SLC34A3: variants seen among roughly 807,000 people sequenced by gnomAD.
SLC34A3 encodes sodium-dependent phosphate transport protein 2C.
A neutral mutation model predicts 43.9 loss-of-function variants in SLC34A3; 60 were observed. The observed-to-expected ratio is 1.37, with a 90% CI of 1.11 to 1.70. The LOEUF (loss-of-function observed/expected upper bound fraction) is 1.70. Among genes scored for constraint, SLC34A3 ranks in the 40% most tolerant of loss-of-function variants. SLC34A3 has a pLI of 0.00. For synonymous variants in SLC34A3, 451 were observed against 386.2 expected, an observed-to-expected ratio of 1.17 and a Z score of -1.97; for missense variants, 969 against 823.8, an observed-to-expected ratio of 1.18 and a Z score of -2.16.
At chr9:137,230,484 C>T (rs1234355653), upstream of SLC34A3, among the ~76,000 whole-genome samples, 6 of 152,304 alleles carry the variant, frequency 3.9e-5, no homozygotes, top group South Asian at 2.1e-4. Context: ...GCAGGGATGA[C>T]CCTGAGAAGG....
rs1564416863 is a variant in SLC34A3 at position 137,232,827 on chromosome 9, C to T, written c.348C>T (p.Ser116=). ...TCTTCAAGGACAACGTGGTGCTGTC[C>T]AACCCTGTGGCTGGACTGGTCATTG... ...GDIFKDNVVL[S]NPVAGLVIGV... The change falls in exon 5 of 13, where the codon TCC becomes TCT. Residue 116 remains serine, a synonymous_variant. Transcript: ENST00000673835. The T allele has an allele frequency of 6.2e-7, 1 of 1,613,200 alleles. No individual in the cohort carries two copies. Among genetic ancestry groups the T allele is most frequent in the Non-Finnish European group, 8.5e-7 (1 of 1,179,992 alleles).
At chr9:137,235,551 G>A (rs1020336416) in intron 12 of SLC34A3, among the ~76,000 whole-genome samples, 1 of 152,224 alleles carries the variant, frequency 6.6e-6, no homozygotes, top group Non-Finnish European at 1.5e-5. Flanking sequence ...CCGTGACACT[G>A]TTCTCCCCTC....
chr9:137,233,140 GCTGGGGCTGCAGTGGCAGCCC>G, intron 6 of SLC34A3, 25 bp downstream of exon 6: 1 of 1,577,800 alleles, frequency 6.3e-7, no homozygotes, highest in Non-Finnish European at 8.6e-7. Context: ...GAAGGGCTGG[GCTGGGGCTGCAGTGGCAGCCC>G]CAGCCCGGGC....
chr9:137,232,956 G>T (rs1245072778), intron 5 of SLC34A3, 29 bp downstream of exon 5: 3 of 1,599,348 alleles, frequency 1.9e-6, no homozygotes, highest in Non-Finnish European at 1.7e-6. Flanking sequence ...CCCGGGTGGT[G>T]GGGGGGGCAG....
Position 137,234,316 on chromosome 9 carries a change from C to G in SLC34A3, c.1093+40C>G. ...GGAGGTGCGGTGGCCAGGGCTGACC[C>G]AGCATCCCCCATAGACTTCCCCTTC... On this transcript the variant is annotated intron_variant, in intron 10 of 12. Transcript: ENST00000673835. The surrounding 1 kb of genome is among the most constrained non-coding windows in gnomAD (Gnocchi z 6.9). 1 of 1,605,572 alleles carries G rather than the reference C, an allele frequency of 6.2e-7. No homozygotes were observed. Among genetic ancestry groups the G allele is most frequent in the South Asian group, 1.1e-5 (1 of 90,798 alleles).
In SLC34A3 at chr9:137,233,892, C is replaced by G; in HGVS notation, c.876C>G (p.Phe292Leu). The change falls in exon 9 of 13, where the codon TTC becomes TTG. Residue 292 changes from phenylalanine to leucine, a missense_variant. Transcript: ENST00000673835. Reference protein sequence around the residue: ...PTQENSSCGAFGPCTEKNSTA... With the variant: ...PTQENSSCGALGPCTEKNSTA... Reference sequence around the variant, plus strand: ...AGGAGAACAGCAGCTGTGGCGCCTTCGGCCCGTGCACAGAGAAGAACAGCA... The same window carrying G: ...AGGAGAACAGCAGCTGTGGCGCCTTGGGCCCGTGCACAGAGAAGAACAGCA... The G allele has an allele frequency of 2.5e-6, 4 of 1,607,446 alleles. No homozygotes were observed. Among genetic ancestry groups the G allele is most frequent in the Non-Finnish European group, 2.5e-6 (3 of 1,178,316 alleles).
upstream of SLC34A3, among the ~76,000 whole-genome samples, chr9:137,230,388 G>A (rs1393291663): frequency 6.6e-6 from 1 of 152,202 alleles, no homozygotes; most frequent in African/African-American, 2.4e-5. Context: ...CTGACCTCGG[G>A]CTGGGTGCCC....
At chr9:137,231,884 G>A in intron 2 of SLC34A3, 97 bp downstream of exon 2, 1 of 1,249,262 alleles carries the variant, frequency 8.0e-7, no homozygotes, top group Non-Finnish European at 1.2e-6. Context: ...GGGCCTCCCG[G>A]GGAACCCACA....
At chr9:137,233,144 G>A in intron 6 of SLC34A3, 29 bp downstream of exon 6, 2 of 1,565,252 alleles carry the variant, frequency 1.3e-6, no homozygotes, top group East Asian at 2.4e-5. Context: ...GGCTGGGCTG[G>A]GGCTGCAGTG....
At chr9:137,231,865 G>A (rs1168119637) in intron 2 of SLC34A3, 78 bp downstream of exon 2, 2 of 1,355,616 alleles carry the variant, frequency 1.5e-6, no homozygotes, top group South Asian at 1.2e-5. Flanking sequence ...GACAGGCCAG[G>A]TTTCCTGCGG....
At chr9:137,231,991 C>T (rs530496132) in intron 2 of SLC34A3, 81 bp from the exon 3 acceptor site, 56 of 1,391,532 alleles carry the variant, frequency 4.0e-5, no homozygotes, top group Non-Finnish European at 3.8e-5. Context: ...CGCCTCAGCC[C>T]GTCCTCCGGC....
intron 8 of SLC34A3, 61 bp downstream of exon 8, chr9:137,233,783 G>GAAGA: frequency 1.4e-6 from 1 of 693,574 alleles, no homozygotes; most frequent in Non-Finnish European, 2.0e-6. Context: ...GAGTCATCCC[G>GAAGA]CCCCACCCAC....
intron 8 of SLC34A3, 57 bp downstream of exon 8, chr9:137,233,779 T>TACCCCCCCCCCCC: frequency 2.1e-6 from 3 of 1,445,822 alleles, no homozygotes; most frequent in Non-Finnish European, 1.9e-6. Flanking sequence ...TGCTGAGTCA[T>TACCCCCCCCCCCC]CCCGCCCCAC....
At chr9:137,235,674 G>A (rs778699052) in intron 12 of SLC34A3, among the ~76,000 whole-genome samples, 21 of 152,208 alleles carry the variant, frequency 1.4e-4, no homozygotes, top group Non-Finnish European at 2.8e-4. Context: ...AGGTCGGAAG[G>A]TGCTTCCCCC....
rs779344191 is a variant in SLC34A3, at chr9:137,234,463, G to T, written c.1141G>T (p.Ala381Ser). 4 of 1,599,232 alleles carry T rather than the reference G, an allele frequency of 2.5e-6. No homozygotes were observed. In the African/African-American group the frequency reaches 5.3e-5, roughly 21 times the overall value. The change falls in exon 11 of 13, where the codon GCG becomes TCG. Residue 381 changes from alanine to serine, a missense_variant. Coordinates refer to ENST00000673835, the MANE Select transcript of SLC34A3 (RefSeq NM_001177316.2). This position sits in a 1 kb window ranked among gnomAD's most constrained non-coding sequence, Gnocchi z 6.9. ...GCTCGGCGGCTACCTGGCCGTCCTCGCGGGCGCCGGCCTGACCTTCGCACT... is the reference window on the plus strand; with the variant it reads ...GCTCGGCGGCTACCTGGCCGTCCTCTCGGGCGCCGGCCTGACCTTCGCACT... ...GWLGGYLAVL[A>S]GAGLTFALQS...
rs72763302 is a variant in SLC34A3 at position 137,232,472 on chromosome 9, C to A, written c.176-103C>A. 4.7e-6 allele frequency: 7 copies of A among 1,501,926 alleles called. No individual in the cohort carries two copies. In the Admixed American group the frequency reaches 1.1e-4, roughly 23 times the overall value. The allele number at this position is 1,501,926 out of a possible 1,614,324, so 93.0% of individuals were successfully genotyped here. A position where few individuals can be genotyped will look rare whatever the true frequency, so the allele number is the denominator to read the frequency against. On this transcript the variant is annotated intron_variant, in intron 3 of 12. Coordinates refer to ENST00000673835, the MANE Select transcript of SLC34A3 (RefSeq NM_001177316.2). ...GGAAGAGGAGGAAATGGGACCCAGC[C>A]CTGTTGGAGACAGAGGAGAGAGGGG...
intron 3 of SLC34A3, 121 bp downstream of exon 3, chr9:137,232,282 GC>G (rs1836264917): frequency 1.0e-6 from 1 of 1,003,366 alleles, no homozygotes; most frequent in African/African-American, 1.6e-5. Flanking sequence ...CGCCATGCAG[GC>G]CCCCTCTGGG....
intron 12 of SLC34A3, among the ~76,000 whole-genome samples, 174 bp from the exon 13 acceptor site, chr9:137,235,778 G>C (rs900439657): frequency 2.0e-5 from 3 of 152,212 alleles, no homozygotes; most frequent in Non-Finnish European, 4.4e-5. Context: ...GGCGTGCTGG[G>C]GAACATGTCC....
chr9:137,234,828 T>A lies in SLC34A3; in HGVS notation c.1335+97T>A. Reference sequence around the variant, plus strand: ...CAGCCCCGGGGCCCTAGGCTGGCTGTGCCCCCGCCTTCCTGGACCCCTTCC... The same window carrying A: ...CAGCCCCGGGGCCCTAGGCTGGCTGAGCCCCCGCCTTCCTGGACCCCTTCC... On this transcript the variant is annotated intron_variant, in intron 12 of 12. Transcript: ENST00000673835. This position sits in a 1 kb window ranked among gnomAD's most constrained non-coding sequence, Gnocchi z 6.9. The A allele has an allele frequency of 5.1e-6, 8 of 1,562,502 alleles. No homozygotes were observed. Among genetic ancestry groups the A allele is most frequent in the Non-Finnish European group, 6.9e-6 (8 of 1,152,090 alleles).
Sources: allele counts gnomAD v4.1 joint callset (sites outside exome capture counted in the v4.1 genomes callset), GRCh38; gene constraint gnomAD v4.1.1; non-coding constraint Gnocchi (gnomAD v3.1); transcripts MANE v1.5; gene names NCBI Gene and HGNC (gene_info 2026-07-23, HGNC 2026-07-21).